MYRIP: variants seen among roughly 807,000 people sequenced by gnomAD.
MYRIP encodes myosin VIIA and Rab interacting protein.
In MYRIP, 49 loss-of-function variants were observed where a neutral mutation model predicts 98.0. The observed-to-expected ratio is 0.50, with a 90% confidence interval of 0.40 to 0.63. The LOEUF is 0.63. MYRIP is among the 30% of genes least tolerant of loss of function. The pLI is 0.00. For missense variants in MYRIP, 1,004 were observed against 1,058.2 expected, an observed-to-expected ratio of 0.95 and a Z score of 0.71; for synonymous variants, 404 against 409.5, an observed-to-expected ratio of 0.99 and a Z score of 0.16.
chr3:39,971,948 A>C (rs929995122), intron 2 of MYRIP, among the ~76,000 whole-genome samples: 1 of 152,078 alleles, frequency 6.6e-6, no homozygotes, highest in Non-Finnish European at 1.5e-5. Flanking sequence ...TCTACTTCCT[A>C]GAATAAAGCA....
intron 1 of MYRIP, among the ~76,000 whole-genome samples, chr3:39,868,688 C>T (rs946311480): frequency 1.3e-5 from 2 of 152,146 alleles, no homozygotes; most frequent in African/African-American, 2.4e-5. Flanking sequence ...AGAATTTGCC[C>T]GTTCCTAGAG....
At chr3:39,907,047 G>A (rs899789360) in intron 2 of MYRIP, among the ~76,000 whole-genome samples, 3 of 152,040 alleles carry the variant, frequency 2.0e-5, no homozygotes, top group Non-Finnish European at 1.5e-5. Flanking sequence ...CAATTGGAGT[G>A]CATTGGTCTC....
intron 1 of MYRIP, among the ~76,000 whole-genome samples, chr3:39,882,968 G>GA (rs141043129): frequency 0.027 from 4,085 of 151,102 alleles, 64 homozygotes; most frequent in Non-Finnish European, 0.037. Flanking sequence ...AAATATGAGA[G>GA]AAAAATAAAA....
intron 11 of MYRIP, among the ~76,000 whole-genome samples, chr3:40,225,375 G>A (rs755615583): frequency 8.8e-4 from 134 of 152,324 alleles, no homozygotes; most frequent in South Asian, 1.5e-3. Flanking sequence ...TCTAGTTGGT[G>A]TCAGTTGGTA....
At chr3:39,992,754 T>C (rs540409672) in intron 2 of MYRIP, among the ~76,000 whole-genome samples, 2 of 152,314 alleles carry the variant, frequency 1.3e-5, no homozygotes, top group African/African-American at 4.8e-5. Flanking sequence ...CAAATCTTCT[T>C]GTTTATGGTC....
chr3:39,917,864 T>G (rs1944200781), intron 2 of MYRIP, among the ~76,000 whole-genome samples: 1 of 152,156 alleles, frequency 6.6e-6, no homozygotes, highest in Non-Finnish European at 1.5e-5. Context: ...TATTAAACTT[T>G]CCAAACTTTA....
intron 2 of MYRIP, among the ~76,000 whole-genome samples, chr3:39,946,193 T>C (rs1944897348): frequency 6.6e-6 from 1 of 151,972 alleles, no homozygotes; most frequent in African/African-American, 2.4e-5. Flanking sequence ...TCTTAAAAAA[T>C]AAAAAGCCCT....
chr3:40,131,211 A>G lies in MYRIP; in HGVS notation c.333-19837A>G, dbSNP rs556382559. ...CTATACTAGGGTATAGTGAACTCCC[A>G]TGAATCTAAACTCCATATAAGCAAA... On this transcript the variant is annotated intron_variant, in intron 3 of 16. Transcript: ENST00000302541. 2.6e-5 allele frequency among the ~76,000 whole-genome samples: 4 copies of G among 152,346 alleles called. No individual in the cohort carries two copies. The East Asian group carries it at 7.7e-4, about 29-fold the overall frequency.
intron 11 of MYRIP, among the ~76,000 whole-genome samples, chr3:40,218,562 CAT>C (rs2125678974): frequency 1.2e-5 from 1 of 81,010 alleles, no homozygotes; most frequent in Non-Finnish European, 2.4e-5. Context: ...ATGTAATATA[CAT>C]ACACACATAC....
rs1475876795 is a variant in MYRIP, at chr3:40,218,225, T to C, written c.1905+8132T>C. 2.6e-5 allele frequency among the ~76,000 whole-genome samples: 4 copies of C among 151,866 alleles called. No homozygotes were observed. In the East Asian group the frequency reaches 5.8e-4, roughly 22 times the overall value. ...TCACCAAAAACTGGAAACAACACAA[T>C]TGTCCACCAGCTCACCAGCTGGTGA... On this transcript the variant is annotated intron_variant, in intron 11 of 16. Transcript: ENST00000302541.
Position 39,876,481 on chromosome 3 carries a change from G to T in MYRIP, c.-30-24306G>T, listed in dbSNP as rs561034844. Among the ~76,000 whole-genome samples, 1,241 of 152,008 alleles carry T rather than the reference G, an allele frequency of 8.2e-3. 23 individuals carry two copies. The highest frequency in any genetic ancestry group is 0.029 in the African/African-American group (1,190 of 41,318). On this transcript the variant is annotated intron_variant, in intron 1 of 16. Coordinates refer to ENST00000302541, the MANE Select transcript of MYRIP (RefSeq NM_015460.4). ...GCATGATTTTGCAGTGGTTGGTACC[G>T]GTTGTTCCTTTCCATGTTTAGTGCT...
chr3:40,082,337 A>G (rs1948495814), intron 3 of MYRIP, among the ~76,000 whole-genome samples: 1 of 152,218 alleles, frequency 6.6e-6, no homozygotes, highest in Admixed American at 6.5e-5. Flanking sequence ...CAAGATATGG[A>G]ATCAGCCTGG....
chr3:40,182,349 A>C lies in MYRIP; in HGVS notation c.1003A>C (p.Ser335Arg). The C allele has an allele frequency of 6.2e-7, 1 of 1,613,360 alleles. No individual in the cohort carries two copies. Reference protein sequence around the residue: ...RAESALPSWKSVDRLDETNLA... With the variant: ...RAESALPSWKRVDRLDETNLA... Reference sequence around the variant, plus strand: ...AGAGTCTGCTCTGCCCAGCTGGAAGAGTGTGGACAGGCTGGATGAAACAAG... The same window carrying C: ...AGAGTCTGCTCTGCCCAGCTGGAAGCGTGTGGACAGGCTGGATGAAACAAG... Residue 335 changes from serine (S) to arginine (R), a missense_variant, in exon 9 of 17, where the codon AGT (serine) becomes CGT (arginine). Physicochemically the swap from Ser to Arg is moderately radical, Grantham distance 110 (BLOSUM62 -1). Transcript: ENST00000302541.
chr3:39,980,541 C>T (rs1945865429), intron 2 of MYRIP, among the ~76,000 whole-genome samples: 1 of 152,184 alleles, frequency 6.6e-6, no homozygotes, highest in African/African-American at 2.4e-5. Context: ...CAGTGGTCTC[C>T]TGTATCACTC....
chr3:40,132,693 C>A (rs574238125), intron 3 of MYRIP, among the ~76,000 whole-genome samples: 1 of 152,374 alleles, frequency 6.6e-6, no homozygotes, highest in East Asian at 1.9e-4. Context: ...CTTTCCTTTT[C>A]AGCTTGGACA....
rs3063561 is a variant in MYRIP at position 40,098,740 on chromosome 3, TTGTG to T, written c.333-52272_333-52269del. Among the ~76,000 whole-genome samples, 244 of 135,280 alleles carry T rather than the reference TTGTG, an allele frequency of 1.8e-3. 2 individuals carry two copies. The highest frequency in any genetic ancestry group is 5.5e-3 in the African/African-American group (197 of 35,910). 88.7% of individuals were successfully genotyped at this position (135,280 alleles called of 152,430 possible). ...TGTGTATCTCTCTCTGTCTCTCTCATTGTGTGTGTGTGTGTGTGTGTGTGTGTGT... is the reference window on the plus strand; with the variant it reads ...TGTGTATCTCTCTCTGTCTCTCTCATTGTGTGTGTGTGTGTGTGTGTGTGT... On this transcript the variant is annotated intron_variant, in intron 3 of 16. Transcript: ENST00000302541.
chr3:40,067,941 T>C (rs927777757), intron 3 of MYRIP, among the ~76,000 whole-genome samples: 1 of 152,214 alleles, frequency 6.6e-6, no homozygotes, highest in African/African-American at 2.4e-5. Context: ...CATAAATACA[T>C]CAACTCCTAT....
At chr3:40,036,059 A>C (rs1947374171) in intron 2 of MYRIP, among the ~76,000 whole-genome samples, 1 of 151,890 alleles carries the variant, frequency 6.6e-6, no homozygotes, top group Non-Finnish European at 1.5e-5. Context: ...AGGAGGAGAA[A>C]ATAGAGCAGG....
At chr3:40,234,811 A>G (rs1196017816) in intron 12 of MYRIP, among the ~76,000 whole-genome samples, 1 of 151,404 alleles carries the variant, frequency 6.6e-6, no homozygotes, top group Non-Finnish European at 1.5e-5. Flanking sequence ...CCTGGCCAAC[A>G]TGGTGAAACC....
Sources: gnomAD v4.1 joint callset for allele counts (sites outside exome capture counted in the v4.1 genomes callset) on GRCh38, gnomAD v4.1.1 for gene constraint, MANE v1.5 for transcripts, NCBI Gene and HGNC (gene_info 2026-07-23, HGNC 2026-07-21) for gene names.